GABRB2: variants seen among roughly 807,000 people sequenced by gnomAD.
The protein encoded by GABRB2 is gamma-aminobutyric acid receptor subunit beta-2.
A neutral mutation model predicts 54.7 loss-of-function variants in GABRB2; 16 were observed. The observed-to-expected ratio is 0.29, with a 90% CI of 0.20 to 0.44. The LOEUF (loss-of-function observed/expected upper bound fraction) is 0.44. GABRB2 is among the 20% of genes least tolerant of loss of function. The pLI, the probability that GABRB2 is intolerant of heterozygous loss-of-function variation, is 1.00. For missense variants in GABRB2, 355 were observed against 644.0 expected (o/e 0.55, Z 4.86); for synonymous variants, 244 against 233.8 (o/e 1.04, Z -0.40).
chr5:161,467,102 A>G (rs1758302051), intron 3 of GABRB2, among the ~76,000 whole-genome samples: 1 of 152,042 alleles, frequency 6.6e-6, no homozygotes. Flanking sequence ...TGCTTTGTCC[A>G]TTAGAACTAC....
At chr5:161,466,383 A>G (rs76388156) in intron 3 of GABRB2, among the ~76,000 whole-genome samples, 1,588 of 152,186 alleles carry the variant, frequency 0.01, 26 homozygotes, top group African/African-American at 0.035. Flanking sequence ...AAGTAATAAC[A>G]TATTTACACT....
chr5:161,484,382 A>T (rs926427101), intron 3 of GABRB2, among the ~76,000 whole-genome samples: 1 of 151,878 alleles, frequency 6.6e-6, no homozygotes, highest in African/African-American at 2.4e-5. Context: ...GGTGCCCTAG[A>T]CACTCCACCA....
At chr5:161,486,620 C>T (rs903920190) in intron 3 of GABRB2, among the ~76,000 whole-genome samples, 2 of 151,778 alleles carry the variant, frequency 1.3e-5, no homozygotes, top group African/African-American at 2.4e-5. Flanking sequence ...CAGTGTGTGG[C>T]ATGTGAAGTG....
chr5:161,441,469 G>A (rs1476588564), intron 4 of GABRB2, among the ~76,000 whole-genome samples: 3 of 152,150 alleles, frequency 2.0e-5, no homozygotes, highest in Admixed American at 6.6e-5. Context: ...TGGTGATGAC[G>A]ATGTGAAGAA....
chr5:161,423,048 A>G (rs1000196820), intron 4 of GABRB2, among the ~76,000 whole-genome samples: 2 of 152,118 alleles, frequency 1.3e-5, no homozygotes, highest in Admixed American at 6.6e-5. Flanking sequence ...TTGAAAAGCT[A>G]TGATTACCAG....
chr5:161,481,457 A>G (rs1334503266), intron 3 of GABRB2, among the ~76,000 whole-genome samples: 2 of 152,062 alleles, frequency 1.3e-5, no homozygotes, highest in African/African-American at 2.4e-5. Flanking sequence ...TCTTCCTTAC[A>G]CCAAAATGAA....
chr5:161,308,657 G>A (rs1015514925), intron 9 of GABRB2, among the ~76,000 whole-genome samples: 1 of 152,100 alleles, frequency 6.6e-6, no homozygotes, highest in African/African-American at 2.4e-5. Flanking sequence ...ACTGGTACAA[G>A]AACAGACACA....
At chr5:161,371,515 A>G (rs572325408) in intron 5 of GABRB2, among the ~76,000 whole-genome samples, 57 of 152,348 alleles carry the variant, frequency 3.7e-4, no homozygotes, top group African/African-American at 1.3e-3. Flanking sequence ...GATACAGCAT[A>G]GCACCCCAAT....
intron 3 of GABRB2, among the ~76,000 whole-genome samples, chr5:161,463,104 C>T (rs186395006): frequency 2.1e-3 from 315 of 151,880 alleles, no homozygotes; most frequent in African/African-American, 7.2e-3. Flanking sequence ...CAATACCAAA[C>T]AAGATAAAGT....
At chr5:161,328,396 T>C (rs996418294) in intron 8 of GABRB2, among the ~76,000 whole-genome samples, 5 of 152,232 alleles carry the variant, frequency 3.3e-5, no homozygotes, top group African/African-American at 1.2e-4. Context: ...TATTGAGGAC[T>C]ATATTACCCT....
At position 161,348,007 on chromosome 5, in the gene GABRB2, A is replaced by G. The variant is rs377142458; in HGVS notation, c.542-11238T>C. ...ATAACACAAATCAGAAGTCCTACCT[A>G]GGTTCCTGTCCCCGCCCTGCTATAC... On this transcript the variant is annotated intron_variant, in intron 5 of 9. Coordinates refer to ENST00000393959, the MANE Select transcript of GABRB2 (RefSeq NM_001371727.1). Among the ~76,000 whole-genome samples, 6 of 152,198 alleles carry G rather than the reference A, an allele frequency of 3.9e-5. No homozygotes were observed. In the East Asian group the frequency reaches 1.2e-3, roughly 30 times the overall value.
chr5:161,474,265 C>T (rs1016289175), intron 3 of GABRB2, among the ~76,000 whole-genome samples: 9 of 151,984 alleles, frequency 5.9e-5, no homozygotes, highest in African/African-American at 2.2e-4. Flanking sequence ...TCATTCCTCC[C>T]TGTTATCTTG....
intron 3 of GABRB2, among the ~76,000 whole-genome samples, chr5:161,469,178 A>G (rs1190534628): frequency 6.6e-6 from 1 of 151,896 alleles, no homozygotes; most frequent in Non-Finnish European, 1.5e-5. Context: ...TTTTAGGTGT[A>G]TCATTTCTAT....
intron 4 of GABRB2, among the ~76,000 whole-genome samples, chr5:161,413,747 T>C (rs557489210): frequency 2.0e-5 from 3 of 152,238 alleles, no homozygotes; most frequent in Admixed American, 2.0e-4. Flanking sequence ...ATTAACCTCA[T>C]CTGATAGAAT....
At chr5:161,514,548 G>T (rs1181662424) in intron 3 of GABRB2, among the ~76,000 whole-genome samples, 1 of 151,954 alleles carries the variant, frequency 6.6e-6, no homozygotes, top group Non-Finnish European at 1.5e-5. Flanking sequence ...CAAGAGATTT[G>T]CCTTTTCTCT....
intron 5 of GABRB2, among the ~76,000 whole-genome samples, chr5:161,361,952 ATAAGGTG>A (rs1163557829): frequency 6.6e-6 from 1 of 152,156 alleles, no homozygotes; most frequent in African/African-American, 2.4e-5. Flanking sequence ...TAATTTTTGC[ATAAGGTG>A]TAAGGTAGGG....
intron 3 of GABRB2, among the ~76,000 whole-genome samples, chr5:161,542,909 T>C (rs1021599548): frequency 6.6e-6 from 1 of 152,202 alleles, no homozygotes; most frequent in Admixed American, 6.5e-5. Context: ...AGAGATGGAA[T>C]TTCCCATCTG....
chr5:161,385,558 T>C (rs1405903058), intron 5 of GABRB2, among the ~76,000 whole-genome samples: 2 of 152,168 alleles, frequency 1.3e-5, no homozygotes, highest in African/African-American at 2.4e-5. Flanking sequence ...CTTAGCTTGT[T>C]AGCATTTTGT....
rs1339005620 is a variant in GABRB2, at chr5:161,546,371, C to T, written c.120G>A (p.Val40=). The T allele has an allele frequency of 6.2e-7, 1 of 1,614,174 alleles. No homozygotes were observed. The highest frequency in any genetic ancestry group is 1.7e-5 in the Admixed American group (1 of 60,016). ...PSNMSLVKET[V]DRLLKGYDIR... ...TGTCATAGCCTTTCAGGAGTCTATC[C>T]ACCGTCTCTTTAACCAGCGACATAT... Residue 40 remains valine, a synonymous_variant, in exon 2 of 10, where the codon GTG becomes GTA. Transcript: ENST00000393959.
Sources: gnomAD v4.1 joint callset for allele counts (sites outside exome capture counted in the v4.1 genomes callset) on GRCh38, gnomAD v4.1.1 for gene constraint, MANE v1.5 for transcripts, NCBI Gene and HGNC (gene_info 2026-07-23, HGNC 2026-07-21) for gene names.